The following PCDHGA1 variants were observed in gnomAD, a reference collection of about 807,000 sequenced individuals.
PCDHGA1 encodes the protein protocadherin gamma subfamily A, 1.
A neutral mutation model predicts 58.0 loss-of-function variants in PCDHGA1; 32 were observed. That is an observed-to-expected ratio of 0.55 (90% CI 0.42 to 0.74). The LOEUF is 0.74. PCDHGA1 is among the 30% of genes least tolerant of loss of function. The pLI is 0.00. For synonymous variants in PCDHGA1, 498 were observed against 501.1 expected (o/e 0.99, Z 0.08); for missense variants, 1,205 against 1,182.3 (o/e 1.02, Z -0.28).
chr5:141,419,084 GC>G (rs1218012099), intron 1 of PCDHGA1: 1 of 1,613,802 alleles, frequency 6.2e-7, no homozygotes, highest in African/African-American at 1.3e-5. Flanking sequence ...AACAGATGAG[GC>G]CCTGGATCGG....
intron 1 of PCDHGA1, among the ~76,000 whole-genome samples, chr5:141,369,259 A>G (rs1009841286): frequency 6.6e-6 from 1 of 152,214 alleles, no homozygotes; most frequent in African/African-American, 2.4e-5. Flanking sequence ...TAATATAATT[A>G]TAAGGACTTA....
Position 141,431,054 on chromosome 5 carries a change from G to T in PCDHGA1, c.2422-63753G>T. 6.2e-7 allele frequency: 1 copy of T among 1,614,198 alleles called. No individual in the cohort carries two copies. The highest frequency in any genetic ancestry group is 8.5e-7 in the Non-Finnish European group (1 of 1,180,004). ...AGACCGGGAGGAGCTCTGTATGGGG[G>T]CCATCAAGTGTCAATTAAATCTAGA... On this transcript the variant is annotated intron_variant, in intron 1 of 3. Transcript: ENST00000517417. This position sits in a 1 kb window ranked among gnomAD's most constrained non-coding sequence, Gnocchi z 4.8.
At chr5:141,340,588 C>G in intron 1 of PCDHGA1, 1 of 1,614,258 alleles carries the variant, frequency 6.2e-7, no homozygotes, top group Non-Finnish European at 8.5e-7. Flanking sequence ...ACAGCGGGAA[C>G]CCTCCACTCA....
chr5:141,446,639 G>T (rs1461520959), intron 1 of PCDHGA1, among the ~76,000 whole-genome samples: 7 of 152,116 alleles, frequency 4.6e-5, no homozygotes, highest in Non-Finnish European at 8.8e-5. Flanking sequence ...ACCACGCCTG[G>T]CTAATTTTTG....
chr5:141,332,371 C>T lies in PCDHGA1; in HGVS notation c.1687C>T (p.Leu563=). ...CCAGAACGACAACGCGCCCGAGATC[C>T]TGTACCCCGCCCTCCCCACAGATGG... ...LDQNDNAPEI[L]YPALPTDGST... Residue 563 remains leucine (L), a synonymous_variant, in exon 1 of 4, where the codon CTG becomes TTG. Transcript: ENST00000517417. This position sits in a 1 kb window ranked among gnomAD's most constrained non-coding sequence, Gnocchi z 4.6. 6.2e-7 allele frequency: 1 copy of T among 1,614,258 alleles called. No individual in the cohort carries two copies. The highest frequency in any genetic ancestry group is 8.5e-7 in the Non-Finnish European group (1 of 1,180,054).
chr5:141,461,647 C>T (rs1242234255), intron 1 of PCDHGA1, among the ~76,000 whole-genome samples: 3 of 152,006 alleles, frequency 2.0e-5, no homozygotes, highest in Non-Finnish European at 4.4e-5. Context: ...TTCTTTGACC[C>T]ATGGATTATT....
chr5:141,422,873 T>C (rs1474438774), intron 1 of PCDHGA1: 1 of 1,614,158 alleles, frequency 6.2e-7, no homozygotes, highest in Admixed American at 1.7e-5. Flanking sequence ...AACGTGTCGC[T>C]GAGCCTGTTC....
rs1390441638 is a variant in PCDHGA1, at chr5:141,432,562, C to T, written c.2422-62245C>T. 1.9e-6 allele frequency: 3 copies of T among 1,613,964 alleles called. No individual in the cohort carries two copies. Among genetic ancestry groups the T allele is most frequent in the Non-Finnish European group, 2.5e-6 (3 of 1,180,004 alleles). On this transcript the variant is annotated intron_variant, in intron 1 of 3. Coordinates refer to ENST00000517417, the MANE Select transcript of PCDHGA1 (RefSeq NM_018912.3). This position sits in a 1 kb window ranked among gnomAD's most constrained non-coding sequence, Gnocchi z 6.0. ...CGGTGGACAGAGACTCCGGCCAGAA[C>T]GCCTGGCTGTCCTACCGTCTGCTCA...
chr5:141,501,852 A>G (rs922276780), intron 2 of PCDHGA1, among the ~76,000 whole-genome samples: 2 of 151,924 alleles, frequency 1.3e-5, no homozygotes, highest in African/African-American at 4.8e-5. Context: ...TCAACCTTCA[A>G]CCATTTCCCA....
rs754034325 is a variant in PCDHGA1 at position 141,413,380 on chromosome 5, C to T, written c.2421+80275C>T. On this transcript the variant is annotated intron_variant, in intron 1 of 3. Coordinates refer to ENST00000517417, the MANE Select transcript of PCDHGA1 (RefSeq NM_018912.3). ...CCGGGAGCTGGCGGAGCGCGGAGTC[C>T]GCATAGTCTCCAGAGGTAGGACGCA... is the stretch of plus-strand genomic sequence containing the variant. 4 of 1,613,962 alleles carry T rather than the reference C, an allele frequency of 2.5e-6. No individual in the cohort carries two copies. In the Middle Eastern group the frequency reaches 5.0e-4, roughly 200 times the overall value.
At chr5:141,492,974 C>G (rs1479838959) in intron 1 of PCDHGA1, among the ~76,000 whole-genome samples, 1 of 152,244 alleles carries the variant, frequency 6.6e-6, no homozygotes, top group Non-Finnish European at 1.5e-5. Flanking sequence ...CTAACAAGTC[C>G]TGTCTCCTCT....
rs773225856 is a variant in PCDHGA1 at position 141,332,690 on chromosome 5, C to T, written c.2006C>T (p.Ser669Phe). ...TLTVAVADRI[S>F]DILADLGSLE... ...ACCGTGGCCGTGGCCGACAGGATCT[C>T]CGACATCCTGGCCGACCTGGGCAGC... Residue 669 changes from serine to phenylalanine, a missense_variant, in exon 1 of 4, where the codon TCC (serine) becomes TTC (phenylalanine). Physicochemically the swap from Ser to Phe is radical, Grantham distance 155 (BLOSUM62 -2). Coordinates refer to ENST00000517417, the MANE Select transcript of PCDHGA1 (RefSeq NM_018912.3). This position sits in a 1 kb window ranked among gnomAD's most constrained non-coding sequence, Gnocchi z 4.6. 2.5e-6 allele frequency: 4 copies of T among 1,613,886 alleles called. No homozygotes were observed. In the East Asian group the frequency reaches 8.9e-5, roughly 36 times the overall value.
intron 1 of PCDHGA1, chr5:141,440,995 C>G (rs1425894086): frequency 6.6e-6 from 1 of 152,154 alleles, no homozygotes; most frequent in Non-Finnish European, 1.5e-5. Context: ...GTACCCATAT[C>G]TAGTTTGGCC....
chr5:141,470,871 T>C (rs1036871133), intron 1 of PCDHGA1, among the ~76,000 whole-genome samples: 1 of 151,822 alleles, frequency 6.6e-6, no homozygotes, highest in Admixed American at 6.6e-5. Flanking sequence ...TGTTTGTTTG[T>C]TTTTTTGTTT....
chr5:141,341,123 C>T lies in PCDHGA1; in HGVS notation c.2421+8018C>T, dbSNP rs1273607583. 1 of 1,614,204 alleles carries T rather than the reference C, an allele frequency of 6.2e-7. No individual in the cohort carries two copies. The highest frequency in any genetic ancestry group is 8.5e-7 in the Non-Finnish European group (1 of 1,180,050). ...CGTGTTGCTGGCGCACAGGCTGCGGCGCTGGCACAAGTCACGCCTGCTGCA... is the reference window on the plus strand; with the variant it reads ...CGTGTTGCTGGCGCACAGGCTGCGGTGCTGGCACAAGTCACGCCTGCTGCA... On this transcript the variant is annotated intron_variant, in intron 1 of 3. Coordinates refer to ENST00000517417, the MANE Select transcript of PCDHGA1 (RefSeq NM_018912.3).
intron 1 of PCDHGA1, chr5:141,389,415 G>A (rs915246049): frequency 1.9e-6 from 3 of 1,613,598 alleles, no homozygotes; most frequent in Non-Finnish European, 2.5e-6. Context: ...GGAGAGCGGG[G>A]TGGTGTTCGC....
In PCDHGA1 at chr5:141,345,253, C is replaced by A. The variant is rs1259196746; in HGVS notation, c.2421+12148C>A. ...GATCAATATTACCGCTTAGTGACGG[C>A]CACATCCCTGGACCGCGAACAAATA... On this transcript the variant is annotated intron_variant, in intron 1 of 3. Transcript: ENST00000517417. 1.2e-6 allele frequency: 2 copies of A among 1,613,946 alleles called. No homozygotes were observed. The highest frequency in any genetic ancestry group is 1.7e-5 in the Admixed American group (1 of 60,028).
intron 1 of PCDHGA1, chr5:141,402,820 C>T: frequency 1.6e-6 from 2 of 1,288,164 alleles, no homozygotes; most frequent in Admixed American, 3.0e-5. Context: ...CACAAACCTG[C>T]TCCCAGGCTG....
chr5:141,366,139 G>GCTGT, intron 1 of PCDHGA1: 1 of 1,614,184 alleles, frequency 6.2e-7, no homozygotes, highest in East Asian at 2.2e-5. Context: ...AGAACGCCTG[G>GCTGT]CTGTCCTACC....
Sources: gnomAD v4.1 joint callset for allele counts (sites outside exome capture counted in the v4.1 genomes callset) on GRCh38, gnomAD v4.1.1 for gene constraint, Gnocchi (gnomAD v3.1) non-coding constraint, MANE v1.5 for transcripts, NCBI Gene and HGNC (gene_info 2026-07-23, HGNC 2026-07-21) for gene names.